Variants in WDFY2 observed in about 807,000 individuals in gnomAD.
WDFY2 encodes the protein WD repeat and FYVE domain-containing protein 2.
Under a neutral mutation model 56.4 loss-of-function variants are expected in WDFY2, and 36 were observed. The observed-to-expected ratio is 0.64, with a 90% CI of 0.49 to 0.84. The LOEUF is 0.84. Among genes scored for constraint, WDFY2 ranks in the 40% least tolerant of loss-of-function variants. The probability of loss-of-function intolerance (pLI) is 0.00; values close to 1 mark genes in which losing one functional copy is unlikely to be tolerated. For synonymous variants in WDFY2, 176 were observed against 183.7 expected (o/e 0.96, Z 0.34); for missense variants, 444 against 512.2 (o/e 0.87, Z 1.29).
chr13:51,651,022 C>T (rs1270982387), intron 1 of WDFY2, among the ~76,000 whole-genome samples: 2 of 152,136 alleles, frequency 1.3e-5, no homozygotes, highest in South Asian at 2.1e-4. Flanking sequence ...TGGTAGAATT[C>T]GGCTGTGACT....
At chr13:51,707,900 A>G (rs1230171824) in intron 4 of WDFY2, among the ~76,000 whole-genome samples, 1 of 145,762 alleles carries the variant, frequency 6.9e-6, no homozygotes. Flanking sequence ...GGGAAAGACC[A>G]TGGTAAGTTA....
intron 1 of WDFY2, among the ~76,000 whole-genome samples, chr13:51,641,260 G>A (rs1013042416): frequency 1.4e-4 from 22 of 151,734 alleles, no homozygotes; most frequent in Admixed American, 9.2e-4. Flanking sequence ...TAGTAGAGAC[G>A]GAATTTCCAC....
At chr13:51,733,705 GAGATTTA>G (rs1488012119) in intron 6 of WDFY2, among the ~76,000 whole-genome samples, 2 of 152,186 alleles carry the variant, frequency 1.3e-5, no homozygotes, top group Admixed American at 1.3e-4. Context: ...ACAAGTGGAG[GAGATTTA>G]AGATCTGTTT....
chr13:51,635,489 T>A (rs1282139439), intron 1 of WDFY2, among the ~76,000 whole-genome samples: 1 of 152,200 alleles, frequency 6.6e-6, no homozygotes, highest in Non-Finnish European at 1.5e-5. Context: ...CTGTCTTCTG[T>A]TTTCTAAATA....
intron 6 of WDFY2, among the ~76,000 whole-genome samples, chr13:51,736,271 G>A (rs1386958550): frequency 6.6e-6 from 1 of 152,084 alleles, no homozygotes; most frequent in Non-Finnish European, 1.5e-5. Flanking sequence ...TATCATCCCT[G>A]TTTTACAGAT....
In WDFY2 at chr13:51,596,490, A is replaced by G. The variant is rs1261855417; in HGVS notation, c.137+11666A>G. ...GAGAAAGTAAAGTTCACCGAATCCT[A>G]AAAGGTTCTGTCAACCTTAAATAAT... is the stretch of plus-strand genomic sequence containing the variant. On this transcript the variant is annotated intron_variant, in intron 1 of 11. Coordinates refer to ENST00000298125, the MANE Select transcript of WDFY2 (RefSeq NM_052950.4). Among the ~76,000 whole-genome samples, 12 of 152,242 alleles carry G rather than the reference A, an allele frequency of 7.9e-5. 1 individual carries two copies. The highest frequency in any genetic ancestry group is 4.6e-4 in the Admixed American group (7 of 15,288).
chr13:51,669,631 A>C (rs1441168637), intron 2 of WDFY2, among the ~76,000 whole-genome samples: 2 of 152,216 alleles, frequency 1.3e-5, no homozygotes, highest in African/African-American at 4.8e-5. Flanking sequence ...TTACCAAAAA[A>C]CTGTAATCAT....
intron 1 of WDFY2, among the ~76,000 whole-genome samples, chr13:51,623,265 G>A (rs577466707): frequency 1.3e-5 from 2 of 152,038 alleles, no homozygotes; most frequent in African/African-American, 4.8e-5. Context: ...TTCAGGCCAG[G>A]CCAAAAGACA....
At chr13:51,661,615 G>A (rs886221405) in intron 2 of WDFY2, among the ~76,000 whole-genome samples, 1 of 152,234 alleles carries the variant, frequency 6.6e-6, no homozygotes, top group African/African-American at 2.4e-5. Flanking sequence ...AAAGAGTACT[G>A]TAATAACTCA....
intron 6 of WDFY2, among the ~76,000 whole-genome samples, chr13:51,737,994 G>A (rs1952879470): frequency 6.6e-6 from 1 of 152,136 alleles, no homozygotes; most frequent in South Asian, 2.1e-4. Context: ...TTACTAAGAA[G>A]AGTCATATGA....
At chr13:51,655,222 TG>T (rs1955485883) in intron 1 of WDFY2, among the ~76,000 whole-genome samples, 1 of 152,232 alleles carries the variant, frequency 6.6e-6, no homozygotes, top group African/African-American at 2.4e-5. Flanking sequence ...TTACTCTGGC[TG>T]GGACTTCCAA....
intron 1 of WDFY2, among the ~76,000 whole-genome samples, chr13:51,606,167 G>A (rs895954896): frequency 6.6e-6 from 1 of 152,148 alleles, no homozygotes; most frequent in African/African-American, 2.4e-5. Context: ...CAAGTTATAT[G>A]TAAAGCTCCT....
intron 1 of WDFY2, chr13:51,586,727 A>AT (rs1953944477): frequency 6.6e-6 from 1 of 152,226 alleles, no homozygotes; most frequent in Non-Finnish European, 1.5e-5. Flanking sequence ...ATGTTCAGCT[A>AT]TGTCTTAGCC....
intron 1 of WDFY2, among the ~76,000 whole-genome samples, chr13:51,617,773 G>T (rs1041518865): frequency 1.3e-5 from 2 of 152,186 alleles, no homozygotes; most frequent in Admixed American, 6.5e-5. Context: ...CAAGTCATAT[G>T]TCCACAGCCT....
intron 7 of WDFY2, among the ~76,000 whole-genome samples, chr13:51,749,849 C>G (rs752104740): frequency 2.6e-5 from 4 of 152,026 alleles, no homozygotes; most frequent in South Asian, 2.1e-4. Flanking sequence ...TAAGTTGATA[C>G]GCTACAAAAC....
Position 51,767,133 on chromosome 13 carries a change from T to C in WDFY2, c.*7364T>C, listed in dbSNP as rs1299961526. On this transcript the variant is annotated 3_prime_UTR_variant, in exon 12 of 12. Coordinates refer to ENST00000298125, the MANE Select transcript of WDFY2 (RefSeq NM_052950.4). Reference sequence around the variant, plus strand: ...CCTCATTTAAAACTTGTGAGGTTCATTTTATGGAGAAGAAAAATAGGTGCA... The same window carrying C: ...CCTCATTTAAAACTTGTGAGGTTCACTTTATGGAGAAGAAAAATAGGTGCA... 6.6e-6 allele frequency: 1 copy of C among 152,388 alleles called. No individual in the cohort carries two copies. Among genetic ancestry groups the C allele is most frequent in the East Asian group, 1.9e-4 (1 of 5,188 alleles). The allele number at this position is 152,388 out of a possible 1,614,324, so 9.4% of individuals were successfully genotyped here.
chr13:51,599,709 T>C (rs1593859220), intron 1 of WDFY2, among the ~76,000 whole-genome samples: 1 of 152,308 alleles, frequency 6.6e-6, no homozygotes, highest in Middle Eastern at 3.4e-3. Context: ...TTACTTTTGT[T>C]AAAACTTGCT....
chr13:51,694,580 G>A (rs926374192), intron 3 of WDFY2, among the ~76,000 whole-genome samples: 12 of 152,160 alleles, frequency 7.9e-5, no homozygotes, highest in African/African-American at 2.4e-4. Context: ...TCCCTTTGTG[G>A]GTAACCCGAC....
chr13:51,708,538 A>G (rs1321448156), intron 4 of WDFY2, among the ~76,000 whole-genome samples: 1 of 151,980 alleles, frequency 6.6e-6, no homozygotes, highest in Non-Finnish European at 1.5e-5. Context: ...TAATAGGCAA[A>G]CCAAGGAGAT....
Sources: allele counts gnomAD v4.1 joint callset (sites outside exome capture counted in the v4.1 genomes callset), GRCh38; gene constraint gnomAD v4.1.1; transcripts MANE v1.5; gene names NCBI Gene and HGNC (gene_info 2026-07-23, HGNC 2026-07-21).